CTNNA3: variants seen among roughly 807,000 people sequenced by gnomAD.
CTNNA3 encodes the protein catenin alpha-3.
CTNNA3 carries 76 observed loss-of-function variants against 95.7 expected under a neutral mutation model. The ratio of observed to expected loss-of-function variants is 0.79; its 90% CI spans 0.66 to 0.96. CTNNA3 has a LOEUF of 0.96. Ranked by LOEUF, CTNNA3 falls within the 40% of genes least tolerant of loss-of-function variation. The pLI is 0.00. For synonymous variants in CTNNA3, 431 were observed against 374.4 expected (o/e 1.15, Z -1.74); for missense variants, 1,191 against 1,089.8 (o/e 1.09, Z -1.31).
chr10:66,736,603 A>C (rs970261993), intron 9 of CTNNA3, among the ~76,000 whole-genome samples: 38 of 152,114 alleles, frequency 2.5e-4, no homozygotes, highest in Admixed American at 2.5e-3. Flanking sequence ...CACTGTGTAC[A>C]GCTTTGTAAA....
chr10:65,972,388 AG>A (rs1372344302), intron 16 of CTNNA3, among the ~76,000 whole-genome samples: 11 of 152,248 alleles, frequency 7.2e-5, no homozygotes, highest in African/African-American at 2.4e-4. Context: ...ACAAATAAAA[AG>A]TCAACCTATA....
chr10:66,736,140 A>G (rs770524367), intron 9 of CTNNA3, among the ~76,000 whole-genome samples: 1 of 152,086 alleles, frequency 6.6e-6, no homozygotes, highest in Non-Finnish European at 1.5e-5. Context: ...TATTACAGCC[A>G]TTGAGATTCT....
chr10:67,600,193 AT>A (rs1262760720), intron 3 of CTNNA3, among the ~76,000 whole-genome samples: 4 of 152,238 alleles, frequency 2.6e-5, no homozygotes, highest in South Asian at 2.1e-4. Context: ...TTCAAAAAAA[AT>A]ATGACCTCTA....
chr10:67,277,774 C>T (rs1839241318), intron 5 of CTNNA3, among the ~76,000 whole-genome samples: 1 of 152,090 alleles, frequency 6.6e-6, no homozygotes, highest in Non-Finnish European at 1.5e-5. Context: ...TGCTAAAAGA[C>T]ACTCCCACCA....
chr10:67,449,083 T>G (rs1207420026), intron 5 of CTNNA3, among the ~76,000 whole-genome samples: 1 of 151,810 alleles, frequency 6.6e-6, no homozygotes, highest in Non-Finnish European at 1.5e-5. Flanking sequence ...CATTTACAAT[T>G]GACACAAAAC....
intron 5 of CTNNA3, among the ~76,000 whole-genome samples, chr10:67,425,818 G>C (rs181304513): frequency 1.3e-5 from 2 of 151,996 alleles, no homozygotes; most frequent in Non-Finnish European, 2.9e-5. Context: ...TGTTATGACC[G>C]TTTTTGTTGC....
rs1564617140 is a variant in CTNNA3 at position 66,685,209 on chromosome 10, A to ATATATGTGTATATATATATG, written c.1282-63426_1282-63425insCATATATATATACACATATA. The stretch of plus-strand genomic sequence containing the variant: ...TATATACGTGTATATATATATACGT[A>ATATATGTGTATATATATATG]TATATATGTGTATATATATACGTAT... On this transcript the variant is annotated intron_variant, in intron 9 of 17. Transcript: ENST00000433211. Among the ~76,000 whole-genome samples, 61 of 36,310 alleles carry ATATATGTGTATATATATATG rather than the reference A, an allele frequency of 1.7e-3. 1 individual carries two copies. The South Asian group carries it at 0.033, about 20-fold the overall frequency. 23.8% of individuals were successfully genotyped at this position (36,310 alleles called of 152,430 possible).
intron 8 of CTNNA3, among the ~76,000 whole-genome samples, chr10:66,773,945 A>G (rs1840193816): frequency 6.6e-6 from 1 of 152,202 alleles, no homozygotes. Context: ...TATGTACCAT[A>G]CAATATTTGG....
intron 11 of CTNNA3, among the ~76,000 whole-genome samples, chr10:66,468,640 TAAC>T (rs1453907165): frequency 6.6e-6 from 1 of 151,864 alleles, no homozygotes; most frequent in Non-Finnish European, 1.5e-5. Flanking sequence ...ATGAAAATAA[TAAC>T]TATGTGAAGT....
intron 9 of CTNNA3, among the ~76,000 whole-genome samples, chr10:66,734,159 A>T (rs532169909): frequency 3.9e-4 from 59 of 152,094 alleles, no homozygotes; most frequent in African/African-American, 1.3e-3. Context: ...CTTAAAAAAA[A>T]ATATTGACTT....
intron 5 of CTNNA3, among the ~76,000 whole-genome samples, chr10:67,438,136 C>T (rs551416295): frequency 6.6e-6 from 1 of 152,204 alleles, no homozygotes; most frequent in South Asian, 2.1e-4. Context: ...CGACTCACAG[C>T]CAAGTTGTTT....
At chr10:67,760,595 G>A (rs375949269) in intron 1 of CTNNA3, among the ~76,000 whole-genome samples, 26 of 152,184 alleles carry the variant, frequency 1.7e-4, no homozygotes, top group South Asian at 1.7e-3. Context: ...GTACCGGTCC[G>A]TGGCCTGTTA....
chr10:67,750,624 G>C (rs557893025), intron 1 of CTNNA3: 2 of 1,548,578 alleles, frequency 1.3e-6, no homozygotes, highest in African/African-American at 1.4e-5. Flanking sequence ...CACTAGCACA[G>C]GGATACAAGT....
chr10:66,127,367 A>G (rs1201635220), intron 13 of CTNNA3, among the ~76,000 whole-genome samples: 2 of 152,074 alleles, frequency 1.3e-5, no homozygotes, highest in Non-Finnish European at 2.9e-5. Flanking sequence ...AGCAATACCT[A>G]ATATCAATAC....
intron 7 of CTNNA3, among the ~76,000 whole-genome samples, chr10:66,792,969 T>C (rs192412748): frequency 2.8e-4 from 43 of 152,230 alleles, no homozygotes; most frequent in African/African-American, 9.9e-4. Flanking sequence ...TTAATAAATA[T>C]GTACAGAAAT....
chr10:67,234,242 A>G (rs568222914), intron 5 of CTNNA3, among the ~76,000 whole-genome samples: 1 of 152,364 alleles, frequency 6.6e-6, no homozygotes, highest in African/African-American at 2.4e-5. Flanking sequence ...ATCCTTGATG[A>G]ACATTGATGC....
At chr10:66,018,219 C>CACACACACACACACACACACACAA (rs1554830397) in intron 15 of CTNNA3, among the ~76,000 whole-genome samples, 1 of 151,266 alleles carries the variant, frequency 6.6e-6, no homozygotes, top group Non-Finnish European at 1.5e-5. Flanking sequence ...CACACACACA[C>CACACACACACACACACACACACAA]TATTTTATTG....
chr10:66,330,037 G>C (rs2092305591), intron 12 of CTNNA3, among the ~76,000 whole-genome samples: 2 of 152,018 alleles, frequency 1.3e-5, no homozygotes, highest in African/African-American at 4.8e-5. Context: ...TCACTGGTCA[G>C]TTGTGAAATA....
chr10:66,751,192 C>A (rs7913648), intron 9 of CTNNA3, among the ~76,000 whole-genome samples: 1,787 of 152,100 alleles, frequency 0.012, 24 homozygotes, highest in African/African-American at 0.041. Flanking sequence ...CGCTTGAACC[C>A]GGGAGGCAGA....
Sources: allele counts gnomAD v4.1 joint callset (sites outside exome capture counted in the v4.1 genomes callset), GRCh38; gene constraint gnomAD v4.1.1; transcripts MANE v1.5; gene names NCBI Gene and HGNC (gene_info 2026-07-23, HGNC 2026-07-21).